The following USP37 variants were observed in gnomAD, a reference collection of about 807,000 sequenced individuals.
USP37 encodes the protein ubiquitin specific peptidase 37.
USP37 carries 27 observed loss-of-function variants against 124.0 expected under a neutral mutation model. The ratio of observed to expected loss-of-function variants is 0.22; its 90% confidence interval spans 0.16 to 0.30. The LOEUF (loss-of-function observed/expected upper bound fraction) is 0.30. Ranked by LOEUF, USP37 falls within the 10% of genes least tolerant of loss-of-function variation. The pLI is 1.00. For synonymous variants in USP37, 365 were observed against 388.0 expected (o/e 0.94, Z 0.70); for missense variants, 889 against 1,140.4 (o/e 0.78, Z 3.17).
chr2:218,560,472 A>G (rs1234297368), intron 3 of USP37, among the ~76,000 whole-genome samples: 5 of 152,240 alleles, frequency 3.3e-5, no homozygotes, highest in African/African-American at 7.2e-5. Flanking sequence ...AGCAGACAGC[A>G]GTAATTAATA....
chr2:218,507,998 T>C (rs1201187335), intron 11 of USP37, among the ~76,000 whole-genome samples: 2 of 152,214 alleles, frequency 1.3e-5, no homozygotes, highest in East Asian at 3.8e-4. Flanking sequence ...TTATTTTTCA[T>C]GGAATCCCTT....
intron 6 of USP37, among the ~76,000 whole-genome samples, chr2:218,548,926 T>G (rs1351416790): frequency 6.6e-6 from 1 of 152,184 alleles, no homozygotes; most frequent in Non-Finnish European, 1.5e-5. Context: ...AAGGAATGTA[T>G]GAATCTCAAA....
chr2:218,540,742 T>C (rs1268079153), intron 8 of USP37, among the ~76,000 whole-genome samples: 1 of 152,222 alleles, frequency 6.6e-6, no homozygotes, highest in Non-Finnish European at 1.5e-5. Flanking sequence ...GAAAGTAAAA[T>C]CATGCATAAG....
At chr2:218,491,106 T>C (rs1314109216) in intron 14 of USP37, among the ~76,000 whole-genome samples, 1 of 152,110 alleles carries the variant, frequency 6.6e-6, no homozygotes, top group African/African-American at 2.4e-5. Context: ...ACACCTAGAT[T>C]CAAGTGATCC....
chr2:218,544,426 T>TAGAG (rs1434695494), intron 8 of USP37, among the ~76,000 whole-genome samples: 3,603 of 47,408 alleles, frequency 0.076, 127 homozygotes, highest in Non-Finnish European at 0.094. Context: ...TATATATATA[T>TAGAG]ATATAGAGAG....
At chr2:218,559,136 A>T (rs1693181485) in intron 3 of USP37, among the ~76,000 whole-genome samples, 2 of 152,016 alleles carry the variant, frequency 1.3e-5, no homozygotes, top group African/African-American at 2.4e-5. Context: ...GGGAGGCTCT[A>T]TCGCTACAAA....
intron 16 of USP37, among the ~76,000 whole-genome samples, chr2:218,484,060 G>A (rs1054553507): frequency 2.0e-5 from 3 of 152,044 alleles, no homozygotes; most frequent in African/African-American, 7.2e-5. Context: ...TCAGGAGGCT[G>A]AGGCAGGAGA....
chr2:218,549,944 C>G, intron 5 of USP37, 35 bp from the exon 6 acceptor site: 2 of 1,471,328 alleles, frequency 1.4e-6, no homozygotes, highest in Non-Finnish European at 1.9e-6. Context: ...TTTAAAATCC[C>G]CAAATCACTC....
chr2:218,530,030 A>C lies in USP37; in HGVS notation c.789T>G (p.Pro263=), dbSNP rs748100734. 1.2e-6 allele frequency: 2 copies of C among 1,606,194 alleles called. No homozygotes were observed. Among genetic ancestry groups the C allele is most frequent in the Non-Finnish European group, 1.7e-6 (2 of 1,178,070 alleles). The change falls in exon 10 of 26, where the codon CCT becomes CCG. Residue 263 remains proline, a synonymous_variant. Transcript: ENST00000258399. ...TACCATAAAAGGATGATGACTGTAA[A>C]GGTAAAAGCCCTATAAAACAAATGA... ...SEENRTSGLL[P]LQSSSFYGSR... is the part of the protein sequence containing the mutation.
intron 4 of USP37, among the ~76,000 whole-genome samples, chr2:218,555,221 C>G (rs1692901678): frequency 6.6e-6 from 1 of 152,156 alleles, no homozygotes; most frequent in African/African-American, 2.4e-5. Flanking sequence ...ATAAAAGTTT[C>G]TAAACTGCCT....
At chr2:218,488,211 A>ACTTTGC (rs372304466) in intron 15 of USP37, 93 bp downstream of exon 15, 9 of 730,804 alleles carry the variant, frequency 1.2e-5, no homozygotes, top group African/African-American at 3.7e-5. Flanking sequence ...AAGAAAAGAA[A>ACTTTGC]CTTTGCCTTG....
At chr2:218,549,774 T>C (rs1276290205) in intron 6 of USP37, 35 bp downstream of exon 6, 4 of 1,597,484 alleles carry the variant, frequency 2.5e-6, no homozygotes, top group Non-Finnish European at 3.4e-6. Context: ...AACTATCATT[T>C]TTTTTAAATG....
intron 22 of USP37, 53 bp from the exon 23 acceptor site, chr2:218,459,958 T>C: frequency 2.8e-6 from 4 of 1,428,918 alleles, no homozygotes; most frequent in Non-Finnish European, 3.9e-6. Flanking sequence ...AGAATGGACG[T>C]GGTGGCTCAC....
chr2:218,549,928 A>AT lies in USP37; in HGVS notation c.329-20dup, dbSNP rs768993010. On this transcript the variant is annotated intron_variant, in intron 5 of 25. Transcript: ENST00000258399. ...TTCATGGCTGGTGACCAAAAATATA[A>AT]TTTTTTTTAAAATCCCCAAATCACT... is the stretch of plus-strand genomic sequence containing the variant. 2.3e-5 allele frequency: 36 copies of AT among 1,566,434 alleles called. No homozygotes were observed. Among genetic ancestry groups the AT allele is most frequent in the South Asian group, 6.0e-5 (5 of 83,366 alleles).
intron 24 of USP37, 34 bp from the exon 25 acceptor site, chr2:218,455,752 T>C (rs772431308): frequency 6.2e-7 from 1 of 1,607,340 alleles, no homozygotes; most frequent in African/African-American, 1.3e-5. Context: ...TCAAGGTTTT[T>C]AAAAACACAC....
chr2:218,454,279 AAATTTGCAG>A lies in USP37; in HGVS notation c.*642_*650del, dbSNP rs1689583623. ...ACAGCAAAGACATCACAAATTCATG[AAATTTGCAG>A]ACAACAACAACAACAAAACAGCTCC... On this transcript the variant is annotated 3_prime_UTR_variant, in exon 26 of 26. Coordinates refer to ENST00000258399, the MANE Select transcript of USP37 (RefSeq NM_020935.3). 6.6e-6 allele frequency: 1 copy of A among 152,640 alleles called. No individual in the cohort carries two copies. Among genetic ancestry groups the A allele is most frequent in the Non-Finnish European group, 1.5e-5 (1 of 68,048 alleles). 9.5% of individuals were successfully genotyped at this position (152,640 alleles called of 1,614,324 possible). A position where few individuals can be genotyped will look rare whatever the true frequency, so the allele number is the denominator to read the frequency against.
chr2:218,557,446 TCAC>T (rs1285092450), intron 4 of USP37, among the ~76,000 whole-genome samples: 1 of 151,906 alleles, frequency 6.6e-6, no homozygotes, highest in Non-Finnish European at 1.5e-5. Flanking sequence ...TATTTTTCCA[TCAC>T]CACCTCTATC....
chr2:218,511,335 T>C (rs1017654373), intron 10 of USP37, among the ~76,000 whole-genome samples: 1 of 151,472 alleles, frequency 6.6e-6, no homozygotes, highest in Non-Finnish European at 1.5e-5. Context: ...TGAGATGAAG[T>C]TTTGCTCTTG....
At chr2:218,488,193 A>AT in intron 15 of USP37, 111 bp downstream of exon 15, 1 of 630,656 alleles carries the variant, frequency 1.6e-6, no homozygotes, top group Non-Finnish European at 2.6e-6. Flanking sequence ...AAAAAAAAAA[A>AT]AAAAGAAAAG....
Sources: gnomAD v4.1 joint callset for allele counts (sites outside exome capture counted in the v4.1 genomes callset) on GRCh38, gnomAD v4.1.1 for gene constraint, MANE v1.5 for transcripts, NCBI Gene and HGNC (gene_info 2026-07-23, HGNC 2026-07-21) for gene names.